The following PXDNL variants were observed in gnomAD, a reference collection of about 807,000 sequenced individuals.
PXDNL encodes peroxidasin like.
PXDNL carries 145 observed loss-of-function variants against 150.8 expected under a neutral mutation model. The observed-to-expected ratio is 0.96, with a 90% CI of 0.84 to 1.10. The LOEUF is 1.10. Ranked by LOEUF, PXDNL falls within the 50% of genes least tolerant of loss-of-function variation. The pLI is 0.00. For synonymous variants in PXDNL, 757 were observed against 725.7 expected (o/e 1.04, Z -0.69); for missense variants, 2,087 against 1,873.9 (o/e 1.11, Z -2.10).
At chr8:51,721,628 T>TATA in intron 1 of PXDNL, 1 of 372,884 alleles carries the variant, frequency 2.7e-6, no homozygotes, top group Non-Finnish European at 5.1e-6. Flanking sequence ...AAACTTAAAG[T>TATA]ATAATAATAA....
Position 51,774,477 on chromosome 8 carries a change from A to G in PXDNL, c.164+34704T>C, listed in dbSNP as rs1230421962. Among the ~76,000 whole-genome samples the G allele has an allele frequency of 2.0e-5, 3 of 152,212 alleles. No homozygotes were observed. The East Asian group carries it at 5.8e-4, about 29-fold the overall frequency. Reference sequence around the variant, plus strand: ...TTAGATTGAGTAGGTGTTTAATTTAACCATGTAAACCTTCTGACTATGTAA... The same window carrying G: ...TTAGATTGAGTAGGTGTTTAATTTAGCCATGTAAACCTTCTGACTATGTAA... On this transcript the variant is annotated intron_variant, in intron 1 of 22. Transcript: ENST00000356297.
chr8:51,802,352 C>T (rs1336370907), intron 1 of PXDNL, among the ~76,000 whole-genome samples: 1 of 152,164 alleles, frequency 6.6e-6, no homozygotes, highest in Non-Finnish European at 1.5e-5. Context: ...AGTTTCTCCA[C>T]TTCATTGTCT....
chr8:51,629,526 C>A lies in PXDNL; in HGVS notation c.236+25163G>T, dbSNP rs144149644. On this transcript the variant is annotated intron_variant, in intron 2 of 22. Transcript: ENST00000356297. The stretch of plus-strand genomic sequence containing the variant: ...ATACTTCAAGAAATAGTAGACAAAA[C>A]CTTTCCAAATTTGATAAAAGATAAG... Among the ~76,000 whole-genome samples the A allele has an allele frequency of 5.2e-3, 786 of 152,186 alleles. 25 individuals carry two copies. Among genetic ancestry groups the A allele is most frequent in the Admixed American group, 0.048 (741 of 15,286 alleles).
chr8:51,671,388 AC>A (rs1294512672), intron 1 of PXDNL, among the ~76,000 whole-genome samples: 2 of 152,240 alleles, frequency 1.3e-5, no homozygotes, highest in Non-Finnish European at 1.5e-5. Flanking sequence ...CTACAGTTCA[AC>A]CTGGGAAGTT....
chr8:51,493,307 G>A (rs1295285094), intron 5 of PXDNL, among the ~76,000 whole-genome samples: 1 of 144,744 alleles, frequency 6.9e-6, no homozygotes, highest in Non-Finnish European at 1.5e-5. Flanking sequence ...AAGACCAAAA[G>A]TAGATAAAAC....
At chr8:51,452,060 G>A (rs766187185) in intron 10 of PXDNL, among the ~76,000 whole-genome samples, 6 of 152,154 alleles carry the variant, frequency 3.9e-5, no homozygotes, top group African/African-American at 1.4e-4. Flanking sequence ...AATGACTGAC[G>A]CAGATGGGCA....
At chr8:51,675,942 T>TCATA (rs1484256315) in intron 1 of PXDNL, among the ~76,000 whole-genome samples, 1 of 152,152 alleles carries the variant, frequency 6.6e-6, no homozygotes, top group Non-Finnish European at 1.5e-5. Flanking sequence ...GTATATAGAT[T>TCATA]CATAACCCAT....
chr8:51,364,284 A>C lies in PXDNL; in HGVS notation c.3901+7589T>G, dbSNP rs116278287. Among the ~76,000 whole-genome samples, 314 of 152,330 alleles carry C rather than the reference A, an allele frequency of 2.1e-3. 1 individual carries two copies. Among genetic ancestry groups the C allele is most frequent in the African/African-American group, 7.0e-3 (289 of 41,574 alleles). Reference sequence around the variant, plus strand: ...TTGTCCTTTGCCATCACATTGTAGCAAAACTTTGAGACCTTGAACCTTGGG... The same window carrying C: ...TTGTCCTTTGCCATCACATTGTAGCCAAACTTTGAGACCTTGAACCTTGGG... On this transcript the variant is annotated intron_variant, in intron 19 of 22. Coordinates refer to ENST00000356297, the MANE Select transcript of PXDNL (RefSeq NM_144651.5).
intron 2 of PXDNL, among the ~76,000 whole-genome samples, chr8:51,596,355 A>G (rs924204751): frequency 6.6e-6 from 1 of 152,196 alleles, no homozygotes; most frequent in Non-Finnish European, 1.5e-5. Flanking sequence ...AGCTGTGATT[A>G]ACATATGAGC....
chr8:51,639,801 T>C (rs1279690970), intron 2 of PXDNL, among the ~76,000 whole-genome samples: 1 of 152,174 alleles, frequency 6.6e-6, no homozygotes, highest in Non-Finnish European at 1.5e-5. Context: ...CCATTCCTTC[T>C]GAAACTATTC....
intron 2 of PXDNL, among the ~76,000 whole-genome samples, chr8:51,628,109 C>T (rs1309472636): frequency 1.3e-5 from 2 of 152,120 alleles, no homozygotes; most frequent in Non-Finnish European, 2.9e-5. Flanking sequence ...TTCAAAATTG[C>T]TGTGTACACT....
chr8:51,423,785 T>C, intron 13 of PXDNL, 54 bp from the exon 14 acceptor site: 1 of 1,503,130 alleles, frequency 6.7e-7, no homozygotes, highest in Non-Finnish European at 9.0e-7. Flanking sequence ...TAAAAAATCA[T>C]TTATTTACTT....
intron 1 of PXDNL, among the ~76,000 whole-genome samples, chr8:51,668,832 A>G (rs965765610): frequency 6.6e-6 from 1 of 152,224 alleles, no homozygotes; most frequent in African/African-American, 2.4e-5. Flanking sequence ...CCAGAAATTT[A>G]TAGAAATATT....
intron 17 of PXDNL, among the ~76,000 whole-genome samples, chr8:51,389,275 A>G (rs1026149614): frequency 6.6e-6 from 1 of 152,096 alleles, no homozygotes; most frequent in East Asian, 1.9e-4. Context: ...ATGTTAATTT[A>G]TCTTCTTTTC....
At chr8:51,427,259 C>G (rs571466864) in intron 12 of PXDNL, among the ~76,000 whole-genome samples, 243 of 152,118 alleles carry the variant, frequency 1.6e-3, no homozygotes, top group African/African-American at 5.7e-3. Flanking sequence ...TTAAAACTCC[C>G]CAAATAAGAA....
intron 4 of PXDNL, among the ~76,000 whole-genome samples, chr8:51,534,222 G>A (rs1383431779): frequency 7.3e-6 from 1 of 136,110 alleles, no homozygotes; most frequent in Non-Finnish European, 1.5e-5. Flanking sequence ...CGCCCCGTCT[G>A]AGAAGTAAGG....
intron 1 of PXDNL, among the ~76,000 whole-genome samples, chr8:51,689,975 TA>T (rs1815956170): frequency 6.6e-6 from 1 of 152,162 alleles, no homozygotes; most frequent in Admixed American, 6.5e-5. Context: ...GAAAGTCTAA[TA>T]AAGACTATAT....
At chr8:51,431,939 G>GTT (rs1274349472) in intron 12 of PXDNL, among the ~76,000 whole-genome samples, 1 of 152,120 alleles carries the variant, frequency 6.6e-6, no homozygotes, top group African/African-American at 2.4e-5. Context: ...ACACTTGCCA[G>GTT]TTATATATAT....
rs184274256 is a variant in PXDNL, at chr8:51,536,912, C to T, written c.380+19928G>A. On this transcript the variant is annotated intron_variant, in intron 4 of 22. Coordinates refer to ENST00000356297, the MANE Select transcript of PXDNL (RefSeq NM_144651.5). ...GACTTCTATTTCTTAGGTACCTGAA[C>T]TCAATGTTTATAAAAATCCATTTAA... 4.5e-4 allele frequency among the ~76,000 whole-genome samples: 68 copies of T among 152,236 alleles called. 2 individuals carry two copies. Among genetic ancestry groups the T allele is most frequent in the Admixed American group, 7.8e-4 (12 of 15,294 alleles).
Sources: gnomAD v4.1 joint callset for allele counts (sites outside exome capture counted in the v4.1 genomes callset) on GRCh38, gnomAD v4.1.1 for gene constraint, MANE v1.5 for transcripts, NCBI Gene and HGNC (gene_info 2026-07-23, HGNC 2026-07-21) for gene names.